ERGIC2: variants seen among roughly 807,000 people sequenced by gnomAD.
ERGIC2 encodes endoplasmic reticulum-Golgi intermediate compartment protein 2.
Under a neutral mutation model 52.5 loss-of-function variants are expected in ERGIC2, and 31 were observed. That is an observed-to-expected ratio of 0.59 (90% CI 0.44 to 0.80). The LOEUF (loss-of-function observed/expected upper bound fraction) is 0.80. ERGIC2 is among the 30% of genes least tolerant of loss of function. The pLI, the probability that ERGIC2 is intolerant of heterozygous loss-of-function variation, is 0.00. For synonymous variants in ERGIC2, 129 were observed against 140.6 expected (o/e 0.92, Z 0.58); for missense variants, 395 against 455.2 (o/e 0.87, Z 1.20).
chr12:29,361,236 G>T (rs1940282525), intron 6 of ERGIC2, among the ~76,000 whole-genome samples: 1 of 152,068 alleles, frequency 6.6e-6, no homozygotes, highest in South Asian at 2.1e-4. Flanking sequence ...TGGCAACAGA[G>T]TGAGACTCTG....
In ERGIC2 at chr12:29,345,484, T is replaced by A. The variant is rs747854922; in HGVS notation, c.784A>T (p.Lys262Ter). 6.2e-7 allele frequency: 1 copy of A among 1,604,456 alleles called. No homozygotes were observed. Among genetic ancestry groups the A allele is most frequent in the African/African-American group, 1.3e-5 (1 of 74,772 alleles). ...TVVPTKLHTYKISADTHQFSV... is the reference protein window; with the variant it reads ...TVVPTKLHTY ...AACTGATGGGTGTCTGCTGATATTT[T>A]ATATGTATGTAGTTTTGTTGGCACA... The change falls in exon 11 of 14, where the codon AAA (lysine) becomes TAA (stop). Residue 262 changes from lysine to a stop codon, truncating the protein, a stop_gained. Transcript: ENST00000360150. LOFTEE classifies it high-confidence loss of function.
rs1940441936 is a variant in ERGIC2, at chr12:29,371,599, A to G, written c.35T>C (p.Leu12Ser). The G allele has an allele frequency of 1.2e-6, 2 of 1,613,642 alleles. No individual in the cohort carries two copies. The highest frequency in any genetic ancestry group is 1.7e-6 in the Non-Finnish European group (2 of 1,179,748). Residue 12 changes from leucine (L) to serine (S), a missense_variant, in exon 2 of 14, where the codon TTG (leucine) becomes TCG (serine). By Grantham distance (145) the Leu-to-Ser change is moderately radical (BLOSUM62 -2). Coordinates refer to ENST00000360150, the MANE Select transcript of ERGIC2 (RefSeq NM_016570.3). ...RRLNRKKTLS[L>S]VKELDAFPKV... ...CGGAAAGGCATCCAACTCTTTTACC[A>G]AACTTAAAGTTTTTTTCCGATTCAG...
intron 13 of ERGIC2, among the ~76,000 whole-genome samples, 164 bp downstream of exon 13, chr12:29,341,570 A>G (rs1949840568): frequency 6.6e-6 from 1 of 151,864 alleles, no homozygotes; most frequent in Non-Finnish European, 1.5e-5. Flanking sequence ...TGGGGCTCTC[A>G]CTATGTTGCC....
chr12:29,374,872 A>G (rs904662220), intron 1 of ERGIC2, among the ~76,000 whole-genome samples: 7 of 152,086 alleles, frequency 4.6e-5, no homozygotes, highest in Admixed American at 3.9e-4. Flanking sequence ...GTAATAATAA[A>G]TTATCTTTTT....
At chr12:29,364,191 A>C (rs1940325937) in intron 5 of ERGIC2, among the ~76,000 whole-genome samples, 1 of 152,144 alleles carries the variant, frequency 6.6e-6, no homozygotes, top group Non-Finnish European at 1.5e-5. Flanking sequence ...ATAATAGCAG[A>C]AGATACAGGC....
intron 1 of ERGIC2, among the ~76,000 whole-genome samples, chr12:29,379,724 A>G (rs1940560522): frequency 6.6e-6 from 1 of 152,186 alleles, no homozygotes; most frequent in Admixed American, 6.5e-5. Flanking sequence ...TGAAGGAACT[A>G]AGGCACAGAG....
chr12:29,346,212 AG>A (rs151038119), intron 10 of ERGIC2, among the ~76,000 whole-genome samples: 7,084 of 149,384 alleles, frequency 0.047, 476 homozygotes, highest in African/African-American at 0.15. Context: ...TTTTTGAGAT[AG>A]GGTCTCACTC....
chr12:29,361,209 G>A (rs558651934), intron 6 of ERGIC2, among the ~76,000 whole-genome samples: 3 of 151,978 alleles, frequency 2.0e-5, no homozygotes, highest in Admixed American at 6.5e-5. Context: ...CCAAGATTGC[G>A]CCACTGTACT....
At chr12:29,370,089 T>G (rs1325969003) in intron 3 of ERGIC2, 25 bp downstream of exon 3, 2 of 1,485,498 alleles carry the variant, frequency 1.3e-6, no homozygotes, top group Non-Finnish European at 1.8e-6. Flanking sequence ...TCTAAAGGTA[T>G]TCCAAGAAGA....
rs1833092779 is a variant in ERGIC2 at position 29,357,854 on chromosome 12, A to AT, written c.375-131_375-130insA. On this transcript the variant is annotated intron_variant, in intron 6 of 13. Coordinates refer to ENST00000360150, the MANE Select transcript of ERGIC2 (RefSeq NM_016570.3). ...ATTATTACAGGATTTCATATTCTAA[A>AT]ATAACATACCAAGTTTTCTTTGGTC... is the stretch of plus-strand genomic sequence containing the variant. 4.5e-6 allele frequency: 3 copies of AT among 671,770 alleles called. No homozygotes were observed. In the South Asian group the frequency reaches 5.0e-5, roughly 11 times the overall value. 41.6% of individuals were successfully genotyped at this position (671,770 alleles called of 1,614,324 possible). A position where few individuals can be genotyped will look rare whatever the true frequency, so the allele number is the denominator to read the frequency against.
At chr12:29,377,288 C>A (rs755919314) in intron 1 of ERGIC2, among the ~76,000 whole-genome samples, 14 of 152,140 alleles carry the variant, frequency 9.2e-5, no homozygotes. Context: ...TCACTGATAA[C>A]AGCTGGAGCT....
intron 10 of ERGIC2, 111 bp from the exon 11 acceptor site, chr12:29,345,651 C>T: frequency 1.5e-6 from 1 of 687,526 alleles, no homozygotes; most frequent in Middle Eastern, 3.9e-4. Flanking sequence ...TGGTGGCTCA[C>T]ACCTGTAATC....
intron 3 of ERGIC2, among the ~76,000 whole-genome samples, chr12:29,369,807 G>GT (rs1940413568): frequency 6.6e-6 from 1 of 151,840 alleles, no homozygotes; most frequent in African/African-American, 2.4e-5. Flanking sequence ...GATCAGTGAG[G>GT]TATTTCAACC....
At chr12:29,365,786 T>C (rs1940353461) in intron 5 of ERGIC2, among the ~76,000 whole-genome samples, 1 of 151,686 alleles carries the variant, frequency 6.6e-6, no homozygotes, top group South Asian at 2.1e-4. Flanking sequence ...GAGCAGATAA[T>C]AGTGTAATAT....
intron 6 of ERGIC2, among the ~76,000 whole-genome samples, chr12:29,361,343 T>C (rs1176684226): frequency 1.3e-5 from 2 of 152,232 alleles, no homozygotes. Context: ...ATATCATTTC[T>C]ATTCAAATTG....
chr12:29,349,033 A>G, intron 10 of ERGIC2, 46 bp downstream of exon 10: 1 of 1,041,858 alleles, frequency 9.6e-7, no homozygotes, highest in Non-Finnish European at 1.4e-6. Flanking sequence ...GGTTATAAGC[A>G]AAATTTTCTA....
intron 8 of ERGIC2, among the ~76,000 whole-genome samples, chr12:29,356,157 G>T (rs1940201710): frequency 6.6e-6 from 1 of 152,006 alleles, no homozygotes; most frequent in South Asian, 2.1e-4. Context: ...GAGTATCTGG[G>T]ATTACAGGTG....
chr12:29,378,403 G>T (rs1356937175), intron 1 of ERGIC2, among the ~76,000 whole-genome samples: 1 of 152,086 alleles, frequency 6.6e-6, no homozygotes, highest in East Asian at 1.9e-4. Context: ...CCAGCTTATA[G>T]TAAGTTGTTA....
rs7295608 is a variant in ERGIC2, at chr12:29,373,825, C to T, written c.-37-2155G>A. On this transcript the variant is annotated intron_variant, in intron 1 of 13. Coordinates refer to ENST00000360150, the MANE Select transcript of ERGIC2 (RefSeq NM_016570.3). ...GATGACAGTTTTCTGACCCCCACGTCAGTTATAAAACTGGTATTCCCATCG... is the reference window on the plus strand; with the variant it reads ...GATGACAGTTTTCTGACCCCCACGTTAGTTATAAAACTGGTATTCCCATCG... 8.1e-3 allele frequency among the ~76,000 whole-genome samples: 1,226 copies of T among 152,236 alleles called. 9 individuals carry two copies. Among genetic ancestry groups the T allele is most frequent in the African/African-American group, 0.028 (1,163 of 41,538 alleles).
Sources: gnomAD v4.1 joint callset for allele counts (sites outside exome capture counted in the v4.1 genomes callset) on GRCh38, gnomAD v4.1.1 for gene constraint, MANE v1.5 for transcripts, NCBI Gene and HGNC (gene_info 2026-07-23, HGNC 2026-07-21) for gene names.